CYRIB: variants seen among roughly 807,000 people sequenced by gnomAD.
CYRIB encodes CYFIP related Rac1 interactor B, also known as CYFIP-related Rac1 interactor B.
A neutral mutation model predicts 44.2 loss-of-function variants in CYRIB; 8 were observed. The ratio of observed to expected loss-of-function variants is 0.18; its 90% confidence interval spans 0.11 to 0.33. CYRIB has a LOEUF of 0.33. Ranked by LOEUF, CYRIB falls within the 10% of genes least tolerant of loss-of-function variation. CYRIB has a pLI of 1.00. For synonymous variants in CYRIB, 131 were observed against 127.2 expected (o/e 1.03, Z -0.20); for missense variants, 185 against 382.8 (o/e 0.48, Z 4.31).
At chr8:130,001,096 A>AT (rs753587858) in intron 1 of CYRIB, among the ~76,000 whole-genome samples, 1 of 152,194 alleles carries the variant, frequency 6.6e-6, no homozygotes, top group Non-Finnish European at 1.5e-5. Context: ...ATCACACACC[A>AT]TAAGAGTCTG....
At position 129,867,685 on chromosome 8, in the gene CYRIB, G is replaced by C. The variant is rs537349121; in HGVS notation, c.195+3690C>G. Among the ~76,000 whole-genome samples the C allele has an allele frequency of 4.6e-4, 70 of 152,134 alleles. No individual in the cohort carries two copies. The South Asian group carries it at 0.01, about 22-fold the overall frequency. Reference sequence around the variant, plus strand: ...CTCAGTTCATTTTAGCTGTGTATCAGACACGGTGCTATGCTGTTTACATGG... The same window carrying C: ...CTCAGTTCATTTTAGCTGTGTATCACACACGGTGCTATGCTGTTTACATGG... On this transcript the variant is annotated intron_variant, in intron 4 of 11. Coordinates refer to ENST00000519824, the Ensembl canonical transcript of CYRIB.
At chr8:129,853,151 T>A (rs943951134) in intron 7 of CYRIB, among the ~76,000 whole-genome samples, 2 of 152,222 alleles carry the variant, frequency 1.3e-5, no homozygotes, top group Non-Finnish European at 2.9e-5. Context: ...AATTGGATTT[T>A]ACCTGTAATT....
chr8:129,955,992 T>A (rs1476025404), intron 2 of CYRIB, among the ~76,000 whole-genome samples: 1 of 152,154 alleles, frequency 6.6e-6, no homozygotes, highest in Non-Finnish European at 1.5e-5. Flanking sequence ...ACCACAATGG[T>A]CCCTCTGGGG....
At chr8:129,879,417 C>T in exon 3 of CYRIB, 1 of 1,612,316 alleles carries the variant, frequency 6.2e-7, no homozygotes, top group South Asian at 1.1e-5. Flanking sequence ...AATTTGGCCC[C>T]TGCTCAAGGT....
At chr8:129,981,334 A>G (rs2096232084) in intron 1 of CYRIB, among the ~76,000 whole-genome samples, 1 of 152,170 alleles carries the variant, frequency 6.6e-6, no homozygotes, top group Non-Finnish European at 1.5e-5. Flanking sequence ...GTTGGTTGGT[A>G]AAGATGGGGT....
chr8:129,911,735 A>G (rs2078150135), intron 1 of CYRIB, among the ~76,000 whole-genome samples: 1 of 152,142 alleles, frequency 6.6e-6, no homozygotes, highest in Non-Finnish European at 1.5e-5. Flanking sequence ...GTTTTCAATT[A>G]TGAAAAACCT....
chr8:129,952,958 T>C (rs1312449364), intron 2 of CYRIB, among the ~76,000 whole-genome samples: 1 of 152,234 alleles, frequency 6.6e-6, no homozygotes, highest in Non-Finnish European at 1.5e-5. Context: ...TACGTGTTAC[T>C]GTTCTTCATT....
intron 2 of CYRIB, among the ~76,000 whole-genome samples, chr8:129,963,558 C>G (rs1197436583): frequency 1.3e-5 from 2 of 152,210 alleles, no homozygotes; most frequent in East Asian, 1.9e-4. Flanking sequence ...GAAGGCCTCA[C>G]AGAGCAATGG....
At chr8:129,864,791 G>T in intron 4 of CYRIB, 1 of 438,262 alleles carries the variant, frequency 2.3e-6, no homozygotes, top group South Asian at 1.7e-5. Flanking sequence ...CCACTGTGGG[G>T]CCGCGTCCTG....
At chr8:129,987,575 T>A (rs1405801327) in intron 1 of CYRIB, among the ~76,000 whole-genome samples, 1 of 148,540 alleles carries the variant, frequency 6.7e-6, no homozygotes, top group South Asian at 2.1e-4. Context: ...TTTCTTTTTT[T>A]TTTTTTTTTT....
At chr8:129,921,572 T>C (rs2083614337) in intron 1 of CYRIB, among the ~76,000 whole-genome samples, 1 of 152,160 alleles carries the variant, frequency 6.6e-6, no homozygotes, top group Non-Finnish European at 1.5e-5. Context: ...CACACTCAAC[T>C]AATTTTTGTA....
intron 1 of CYRIB, among the ~76,000 whole-genome samples, chr8:129,996,935 T>A (rs529111328): frequency 1.3e-5 from 2 of 152,052 alleles, no homozygotes; most frequent in Non-Finnish European, 2.9e-5. Context: ...CTAGAGTATG[T>A]TCTATTCTAA....
intron 1 of CYRIB, among the ~76,000 whole-genome samples, chr8:129,998,942 G>C (rs763938622): frequency 6.6e-6 from 1 of 152,054 alleles, no homozygotes; most frequent in Non-Finnish European, 1.5e-5. Context: ...CATGGTGCTC[G>C]ATCAATGCTA....
At chr8:129,841,111 C>T (rs2036106457) in exon 12 of CYRIB, 1 of 152,140 alleles carries the variant, frequency 6.6e-6, no homozygotes, top group Admixed American at 6.6e-5. Flanking sequence ...GGAAGTCCCT[C>T]TTATAATCAC....
chr8:129,936,436 C>T (rs376301988), intron 1 of CYRIB, among the ~76,000 whole-genome samples: 2 of 152,028 alleles, frequency 1.3e-5, no homozygotes, highest in African/African-American at 2.4e-5. Context: ...AATACTACAG[C>T]GTAATTAAGA....
At chr8:130,004,761 A>ATTTTTTTTTTTTTTTTTTTTTTTTTTTT (rs775327457) in intron 1 of CYRIB, among the ~76,000 whole-genome samples, 2 of 123,896 alleles carry the variant, frequency 1.6e-5, no homozygotes, top group Admixed American at 8.4e-5. Context: ...ATTGTCAGGA[A>ATTTTTTTTTTTTTTTTTTTTTTTTTTTT]TTTTTTTTTT....
chr8:129,934,299 T>C (rs1209431938), intron 1 of CYRIB, among the ~76,000 whole-genome samples: 2 of 152,180 alleles, frequency 1.3e-5, no homozygotes, highest in Admixed American at 6.5e-5. Context: ...TTACACTCAA[T>C]GACTAACAAT....
rs139525922 is a variant in CYRIB, at chr8:129,890,446, T to C, written c.-10-10975A>G. The C allele has an allele frequency of 2.0e-5, 3 of 152,312 alleles. No homozygotes were observed. In the East Asian group the frequency reaches 5.8e-4, roughly 29 times the overall value. 9.4% of individuals were successfully genotyped at this position (152,312 alleles called of 1,614,324 possible). ...AGATAAGTGTCAGCATTTTTATCAATAAAGTATTTTTAAATTAAGGTATAT... is the reference window on the plus strand; with the variant it reads ...AGATAAGTGTCAGCATTTTTATCAACAAAGTATTTTTAAATTAAGGTATAT... On this transcript the variant is annotated intron_variant, in intron 2 of 11. Transcript: ENST00000519824.
intron 3 of CYRIB, 41 bp from the exon 6 acceptor site, chr8:129,871,537 A>T (rs772612302): frequency 6.3e-7 from 1 of 1,595,674 alleles, no homozygotes; most frequent in East Asian, 2.3e-5. Context: ...CAGTGACATG[A>T]ATTTTTTAAA....
Sources: gnomAD v4.1 joint callset for allele counts (sites outside exome capture counted in the v4.1 genomes callset) on GRCh38, gnomAD v4.1.1 for gene constraint, MANE v1.5 for transcripts, NCBI Gene and HGNC (gene_info 2026-07-23, HGNC 2026-07-21) for gene names.